IL20RB: variants seen among roughly 807,000 people sequenced by gnomAD.
IL20RB encodes interleukin-20 receptor subunit beta.
In IL20RB, 21 loss-of-function variants were observed where a neutral mutation model predicts 33.3. That is an observed-to-expected ratio of 0.63 (90% CI 0.45 to 0.91). The LOEUF is 0.91. Ranked by LOEUF, IL20RB falls within the 40% of genes least tolerant of loss-of-function variation. The probability of loss-of-function intolerance (pLI) is 0.00; values close to 1 mark genes in which losing one functional copy is unlikely to be tolerated. For synonymous variants in IL20RB, 147 were observed against 146.8 expected (o/e 1.00, Z -0.01); for missense variants, 345 against 384.8 (o/e 0.90, Z 0.86).
At chr3:137,006,778 G>T (rs1290355972) in intron 6 of IL20RB, among the ~76,000 whole-genome samples, 1 of 152,154 alleles carries the variant, frequency 6.6e-6, no homozygotes, top group East Asian at 1.9e-4. Context: ...CTGTCAACTC[G>T]TCAAAGTCAT....
At chr3:136,960,705 A>G (rs1167954165) in intron 1 of IL20RB, among the ~76,000 whole-genome samples, 1 of 152,194 alleles carries the variant, frequency 6.6e-6, no homozygotes, top group Non-Finnish European at 1.5e-5. Context: ...CCAAGTACCT[A>G]TATCTAGTAA....
chr3:137,000,485 A>G (rs1942222004), intron 6 of IL20RB, among the ~76,000 whole-genome samples: 1 of 152,226 alleles, frequency 6.6e-6, no homozygotes, highest in Non-Finnish European at 1.5e-5. Context: ...GCTGTGAAAA[A>G]TGGGAAACTC....
At position 136,995,520 on chromosome 3, in the gene IL20RB, C is replaced by T; in HGVS notation, c.789C>T (p.Tyr263=). The T allele has an allele frequency of 1.9e-6, 3 of 1,614,138 alleles. No individual in the cohort carries two copies. The highest frequency in any genetic ancestry group is 2.5e-6 in the Non-Finnish European group (3 of 1,180,016). ...FVWKMGRLLQ[Y]SCCPVVVLPD... is the part of the protein sequence containing the mutation. ...GGAAAATGGGCCGGCTGCTCCAGTA[C>T]TCCTGTTGCCCCGTGGTGGTCCTCC... The change falls in exon 6 of 7, where the codon TAC becomes TAT. Residue 263 remains tyrosine, a synonymous_variant. Coordinates refer to ENST00000329582, the MANE Select transcript of IL20RB (RefSeq NM_144717.4).
chr3:136,986,254 AATAAAAAT>A (rs1440970078), intron 3 of IL20RB, among the ~76,000 whole-genome samples: 4 of 45,688 alleles, frequency 8.8e-5, no homozygotes, highest in African/African-American at 3.0e-4. Flanking sequence ...TAAATAAATA[AATAAAAAT>A]AAAACAGGAA....
chr3:137,003,160 T>C (rs1374551317), intron 6 of IL20RB, among the ~76,000 whole-genome samples: 2 of 152,200 alleles, frequency 1.3e-5, no homozygotes, highest in Non-Finnish European at 2.9e-5. Context: ...CCATGCTGTT[T>C]TGGTTACTGT....
At chr3:136,970,037 T>C (rs1218349220) in intron 1 of IL20RB, among the ~76,000 whole-genome samples, 2 of 152,036 alleles carry the variant, frequency 1.3e-5, no homozygotes, top group Non-Finnish European at 2.9e-5. Context: ...TTTGTTTGCC[T>C]GCAGATATCC....
rs771609634 is a variant in IL20RB, at chr3:136,990,672, G to A, written c.531+1107G>A. Reference sequence around the variant, plus strand: ...TTCAGGGGTTGCTGGTAGCCAGCTCGCCTCTGATTGGACCCTTCTCAGGCC... The same window carrying A: ...TTCAGGGGTTGCTGGTAGCCAGCTCACCTCTGATTGGACCCTTCTCAGGCC... On this transcript the variant is annotated intron_variant, in intron 4 of 6. Coordinates refer to ENST00000329582, the MANE Select transcript of IL20RB (RefSeq NM_144717.4). 3.3e-5 allele frequency among the ~76,000 whole-genome samples: 5 copies of A among 152,152 alleles called. 1 individual carries two copies. The highest frequency in any genetic ancestry group is 7.3e-5 in the Non-Finnish European group (5 of 68,028).
At chr3:136,964,415 G>C (rs1049133953) in intron 1 of IL20RB, among the ~76,000 whole-genome samples, 8 of 99,476 alleles carry the variant, frequency 8.0e-5, no homozygotes, top group African/African-American at 3.0e-4. Context: ...ATCTCATAGT[G>C]GTTTTGATTT....
chr3:137,007,602 G>A (rs1156825023), intron 6 of IL20RB, among the ~76,000 whole-genome samples: 1 of 152,348 alleles, frequency 6.6e-6, no homozygotes, highest in African/African-American at 2.4e-5. Flanking sequence ...AGCCAGGCAC[G>A]AGAGAGAATC....
chr3:136,970,333 G>T (rs1163515293), intron 1 of IL20RB, among the ~76,000 whole-genome samples: 1 of 152,038 alleles, frequency 6.6e-6, no homozygotes, highest in Admixed American at 6.6e-5. Context: ...GAGCTCAAGT[G>T]ATTCACCTGC....
intron 1 of IL20RB, among the ~76,000 whole-genome samples, chr3:136,972,274 CG>C (rs1392589844): frequency 1.3e-5 from 2 of 152,110 alleles, no homozygotes; most frequent in Admixed American, 1.3e-4. Context: ...TCCCATTCAA[CG>C]GATTGTCTCT....
chr3:136,990,826 G>A (rs1426248934), intron 4 of IL20RB, among the ~76,000 whole-genome samples: 1 of 119,624 alleles, frequency 8.4e-6, no homozygotes, highest in Non-Finnish European at 1.8e-5. Flanking sequence ...CTGGGTTTCG[G>A]TATTTACCCC....
intron 2 of IL20RB, among the ~76,000 whole-genome samples, chr3:136,981,242 C>T (rs1337862869): frequency 8.4e-6 from 1 of 119,068 alleles, no homozygotes; most frequent in Non-Finnish European, 1.9e-5. Flanking sequence ...ATGGTAGCCA[C>T]CAGCCACAGC....
chr3:136,987,124 C>A (rs956317769), intron 3 of IL20RB, among the ~76,000 whole-genome samples: 1 of 152,090 alleles, frequency 6.6e-6, no homozygotes, highest in Admixed American at 6.5e-5. Context: ...GAAGGGGACC[C>A]GAGCGGGTTG....
rs1373498490 is a variant in IL20RB at position 137,010,088 on chromosome 3, A to T, written c.826-25A>T. On this transcript the variant is annotated intron_variant, in intron 6 of 6. Coordinates refer to ENST00000329582, the MANE Select transcript of IL20RB (RefSeq NM_144717.4). ...TTACTACTACTGCTATCCTCTAATGAATATTAATGAAAATTATTTTTCAGA... is the reference window on the plus strand; with the variant it reads ...TTACTACTACTGCTATCCTCTAATGTATATTAATGAAAATTATTTTTCAGA... The T allele has an allele frequency of 2.9e-6, 3 of 1,037,448 alleles. No individual in the cohort carries two copies. The African/African-American group carries it at 4.7e-5, about 16-fold the overall frequency. 64.3% of individuals were successfully genotyped at this position (1,037,448 alleles called of 1,614,324 possible). A position where few individuals can be genotyped will look rare whatever the true frequency, so the allele number is the denominator to read the frequency against.
chr3:136,985,624 G>C (rs1275509303), intron 3 of IL20RB, among the ~76,000 whole-genome samples: 1 of 152,054 alleles, frequency 6.6e-6, no homozygotes, highest in Admixed American at 6.6e-5. Flanking sequence ...GGTGTGAGCC[G>C]CTACGCCTGG....
At chr3:136,972,494 CG>C (rs1701427106) in intron 1 of IL20RB, among the ~76,000 whole-genome samples, 2 of 152,024 alleles carry the variant, frequency 1.3e-5, no homozygotes. Context: ...CATTATCCAT[CG>C]TTAAGGTTTT....
At chr3:136,983,957 C>T (rs1038974081) in intron 3 of IL20RB, among the ~76,000 whole-genome samples, 2 of 152,178 alleles carry the variant, frequency 1.3e-5, no homozygotes, top group East Asian at 3.9e-4. Context: ...CTGCCTCAGG[C>T]CCCCAAGAAG....
intron 4 of IL20RB, among the ~76,000 whole-genome samples, chr3:136,990,288 G>A (rs1015014347): frequency 2.0e-5 from 3 of 152,080 alleles, no homozygotes; most frequent in African/African-American, 7.2e-5. Flanking sequence ...AGCAAAGATA[G>A]GCTTTATCAC....
Sources: allele counts gnomAD v4.1 joint callset (sites outside exome capture counted in the v4.1 genomes callset), GRCh38; gene constraint gnomAD v4.1.1; transcripts MANE v1.5; gene names NCBI Gene and HGNC (gene_info 2026-07-23, HGNC 2026-07-21).